Variants in MSRB3 observed in about 807,000 individuals in gnomAD.
The protein encoded by MSRB3 is methionine sulfoxide reductase B3.
Under a neutral mutation model 21.0 loss-of-function variants are expected in MSRB3, and 13 were observed. The observed-to-expected ratio is 0.62, with a 90% CI of 0.40 to 0.98. The LOEUF is 0.98. Among genes scored for constraint, MSRB3 ranks in the 50% least tolerant of loss-of-function variants. The pLI is 0.00. For synonymous variants in MSRB3, 87 were observed against 88.6 expected, an observed-to-expected ratio of 0.98 and a Z score of 0.10; for missense variants, 199 against 230.3, an observed-to-expected ratio of 0.86 and a Z score of 0.88.
intron 1 of MSRB3, among the ~76,000 whole-genome samples, chr12:65,279,783 A>G (rs1216744846): frequency 6.6e-6 from 1 of 152,222 alleles, no homozygotes; most frequent in Non-Finnish European, 1.5e-5. Context: ...TTAAAGTACA[A>G]AGGTAGGGAT....
intron 5 of MSRB3, chr12:65,418,595 T>C (rs1028227149): frequency 1.8e-6 from 1 of 569,866 alleles, no homozygotes; most frequent in African/African-American, 1.9e-5. Context: ...TTCCCTGTTT[T>C]GTTCTCGTAG....
At chr12:65,314,294 T>G (rs1024791704) in intron 2 of MSRB3, among the ~76,000 whole-genome samples, 3 of 152,144 alleles carry the variant, frequency 2.0e-5, no homozygotes, top group Non-Finnish European at 4.4e-5. Flanking sequence ...CACATTTTGT[T>G]TTGCTGTGTT....
intron 5 of MSRB3, among the ~76,000 whole-genome samples, chr12:65,395,202 C>T (rs1209800662): frequency 2.6e-5 from 4 of 152,256 alleles, no homozygotes; most frequent in Admixed American, 1.3e-4. Context: ...CATGGTGGCT[C>T]ACACCTGTAA....
chr12:65,291,177 C>G (rs1289576283), intron 1 of MSRB3, among the ~76,000 whole-genome samples: 1 of 151,920 alleles, frequency 6.6e-6, no homozygotes, highest in African/African-American at 2.4e-5. Context: ...TCTTTGCCTC[C>G]CAGGTTCAAG....
intron 5 of MSRB3, among the ~76,000 whole-genome samples, chr12:65,447,033 A>T (rs1441763753): frequency 6.6e-6 from 1 of 152,210 alleles, no homozygotes; most frequent in East Asian, 1.9e-4. Context: ...TGTCTGGGAT[A>T]ATTGGGGTTG....
chr12:65,414,911 G>A (rs945096368), intron 5 of MSRB3, among the ~76,000 whole-genome samples: 3 of 152,074 alleles, frequency 2.0e-5, no homozygotes, highest in African/African-American at 7.2e-5. Context: ...TTAATTTAGA[G>A]GTGCTTATAA....
chr12:65,436,578 G>A (rs1882128284), intron 5 of MSRB3, among the ~76,000 whole-genome samples: 2 of 151,782 alleles, frequency 1.3e-5, no homozygotes, highest in South Asian at 4.1e-4. Context: ...GGGTGTTATA[G>A]CATCATTTCA....
chr12:65,372,124 T>A (rs892070051), intron 5 of MSRB3, among the ~76,000 whole-genome samples: 1 of 152,358 alleles, frequency 6.6e-6, no homozygotes, highest in Middle Eastern at 3.4e-3. Context: ...GTTAAAGTTT[T>A]GAGGTTTTCA....
chr12:65,418,688 C>T, intron 5 of MSRB3: 1 of 713,834 alleles, frequency 1.4e-6, no homozygotes. Flanking sequence ...TTATTGGCTT[C>T]CAGCTCCCCA....
At chr12:65,395,136 A>G (rs1370262088) in intron 5 of MSRB3, among the ~76,000 whole-genome samples, 1 of 152,202 alleles carries the variant, frequency 6.6e-6, no homozygotes, top group African/African-American at 2.4e-5. Flanking sequence ...AGGAGTGAGT[A>G]AAACTATCTC....
intron 5 of MSRB3, among the ~76,000 whole-genome samples, chr12:65,386,002 G>A (rs11175740): frequency 0.044 from 6,707 of 151,838 alleles, 496 homozygotes; most frequent in African/African-American, 0.15. Context: ...GAGAACTTTA[G>A]TACACTTTTG....
At chr12:65,426,016 C>T (rs1202596453) in intron 5 of MSRB3, among the ~76,000 whole-genome samples, 1 of 152,042 alleles carries the variant, frequency 6.6e-6, no homozygotes, top group African/African-American at 2.4e-5. Flanking sequence ...GCCACCACGC[C>T]TGGCTAATTT....
intron 3 of MSRB3, among the ~76,000 whole-genome samples, chr12:65,327,557 A>C (rs1875131001): frequency 6.6e-6 from 1 of 152,236 alleles, no homozygotes. Context: ...CTCTCAGCTG[A>C]TTCCAGCTCA....
chr12:65,396,117 TTTCTC>T (rs1879765707), intron 5 of MSRB3, among the ~76,000 whole-genome samples: 1 of 152,234 alleles, frequency 6.6e-6, no homozygotes, highest in African/African-American at 2.4e-5. Flanking sequence ...CCTTTCTTCT[TTTCTC>T]ATAAATGTAT....
At chr12:65,373,654 C>A (rs1233384933) in intron 5 of MSRB3, among the ~76,000 whole-genome samples, 3 of 152,068 alleles carry the variant, frequency 2.0e-5, no homozygotes, top group Non-Finnish European at 4.4e-5. Flanking sequence ...TATAAGATTT[C>A]ATGAAAGCGA....
At chr12:65,421,199 A>G (rs1361571724) in intron 5 of MSRB3, among the ~76,000 whole-genome samples, 3 of 152,156 alleles carry the variant, frequency 2.0e-5, no homozygotes, top group African/African-American at 7.2e-5. Flanking sequence ...TTTGATTTGC[A>G]TTTCTCTAAT....
At chr12:65,383,856 G>A (rs541288956) in intron 5 of MSRB3, among the ~76,000 whole-genome samples, 3 of 151,954 alleles carry the variant, frequency 2.0e-5, no homozygotes, top group African/African-American at 7.2e-5. Flanking sequence ...ATGGGGTTTC[G>A]CCATGTTGGC....
chr12:65,402,272 T>G (rs1479777989), intron 5 of MSRB3, among the ~76,000 whole-genome samples: 1 of 152,216 alleles, frequency 6.6e-6, no homozygotes, highest in Non-Finnish European at 1.5e-5. Flanking sequence ...TTGGGTCTTT[T>G]CATATAGTCC....
At chr12:65,286,160 T>G (rs900267299) in intron 1 of MSRB3, 4 of 152,244 alleles carry the variant, frequency 2.6e-5, no homozygotes, top group Non-Finnish European at 5.9e-5. Context: ...TTATGACTTA[T>G]AGAGTCTATG....
Sources: allele counts gnomAD v4.1 joint callset (sites outside exome capture counted in the v4.1 genomes callset), GRCh38; gene constraint gnomAD v4.1.1; transcripts MANE v1.5; gene names NCBI Gene and HGNC (gene_info 2026-07-23, HGNC 2026-07-21).